DNM3: variants seen among roughly 807,000 people sequenced by gnomAD.
DNM3 encodes dynamin 3.
A neutral mutation model predicts 101.6 loss-of-function variants in DNM3; 47 were observed. The ratio of observed to expected loss-of-function variants is 0.46; its 90% confidence interval spans 0.37 to 0.59. The LOEUF is 0.59. Among genes scored for constraint, DNM3 ranks in the 20% least tolerant of loss-of-function variants. DNM3 has a pLI of 0.00. For missense variants in DNM3, 849 were observed against 1,085.7 expected (o/e 0.78, Z 3.06); for synonymous variants, 385 against 387.9 (o/e 0.99, Z 0.09).
chr1:172,158,444 G>C (rs41468246), intron 14 of DNM3, among the ~76,000 whole-genome samples: 2,680 of 152,122 alleles, frequency 0.018, 92 homozygotes, highest in African/African-American at 0.059. Flanking sequence ...AAGAACATGA[G>C]CAAAGGCACA....
Position 172,048,483 on chromosome 1 carries a change from T to C in DNM3, c.1197-129T>C, listed in dbSNP as rs545019131. The stretch of plus-strand genomic sequence containing the variant: ...TGCCACATAAACATTTTGGGCACTA[T>C]GTAACTTTTAAACTTGGTCTATTAC... On this transcript the variant is annotated intron_variant, in intron 9 of 20. Coordinates refer to ENST00000627582, the MANE Select transcript of DNM3 (RefSeq NM_015569.5). 6.0e-5 allele frequency: 63 copies of C among 1,053,734 alleles called. 1 individual carries two copies. The Admixed American group carries it at 1.7e-3, about 28-fold the overall frequency. 65.3% of individuals were successfully genotyped at this position (1,053,734 alleles called of 1,614,324 possible).
At chr1:171,956,961 A>G (rs2042900373) in intron 2 of DNM3, among the ~76,000 whole-genome samples, 1 of 152,146 alleles carries the variant, frequency 6.6e-6, no homozygotes, top group Non-Finnish European at 1.5e-5. Flanking sequence ...ATAGGGCACC[A>G]AGTCCCTAGG....
intron 1 of DNM3, among the ~76,000 whole-genome samples, chr1:171,906,848 T>C (rs1240297007): frequency 6.6e-6 from 1 of 152,218 alleles, no homozygotes; most frequent in African/African-American, 2.4e-5. Flanking sequence ...AAGTAAGTGA[T>C]ACTATTTTTA....
intron 4 of DNM3, among the ~76,000 whole-genome samples, chr1:172,017,449 C>G (rs2047524499): frequency 6.6e-6 from 1 of 151,542 alleles, no homozygotes; most frequent in Admixed American, 6.6e-5. Context: ...TTTTTTTTAC[C>G]CATATGTTAT....
chr1:172,133,617 A>G (rs1010091962), intron 14 of DNM3, among the ~76,000 whole-genome samples: 4 of 152,196 alleles, frequency 2.6e-5, no homozygotes, highest in Admixed American at 2.6e-4. Flanking sequence ...GACTAGTAAT[A>G]AATGTCAGAT....
At chr1:172,239,409 A>T (rs2061660522) in intron 14 of DNM3, among the ~76,000 whole-genome samples, 1 of 152,162 alleles carries the variant, frequency 6.6e-6, no homozygotes, top group Non-Finnish European at 1.5e-5. Context: ...GAAGTCCCTG[A>T]ATACACGGTC....
intron 16 of DNM3, among the ~76,000 whole-genome samples, chr1:172,320,388 TAAAAAAAAGAAAA>T (rs1191054828): frequency 2.3e-5 from 2 of 88,570 alleles, no homozygotes; most frequent in Non-Finnish European, 4.3e-5. Context: ...ATAATAATAA[TAAAAAAAAGAAAA>T]AAAAAAAAGA....
chr1:172,374,290 T>C (rs1279887432), intron 17 of DNM3, among the ~76,000 whole-genome samples: 1 of 152,072 alleles, frequency 6.6e-6, no homozygotes, highest in Non-Finnish European at 1.5e-5. Flanking sequence ...TCTGAGAAGG[T>C]GCACTCAGTA....
chr1:171,931,577 T>TA (rs2041009155), intron 2 of DNM3, among the ~76,000 whole-genome samples: 1 of 152,214 alleles, frequency 6.6e-6, no homozygotes, highest in Non-Finnish European at 1.5e-5. Flanking sequence ...CTTTCATAGG[T>TA]AAAAAATTTT....
rs1426003596 is a variant in DNM3, at chr1:172,409,942, T to C, written c.*2101T>C. On this transcript the variant is annotated 3_prime_UTR_variant, in exon 21 of 21. Transcript: ENST00000627582. ...TCAGCACAAACCATGTCAAAAAAAA[T>C]TGGAGATTTTTTTCCAATTTTCCTT... The C allele has an allele frequency of 2.0e-6, 2 of 985,516 alleles. No individual in the cohort carries two copies. The highest frequency in any genetic ancestry group is 1.7e-5 in the African/African-American group (1 of 57,172). 61.0% of individuals were successfully genotyped at this position (985,516 alleles called of 1,614,324 possible). A position where few individuals can be genotyped will look rare whatever the true frequency, so the allele number is the denominator to read the frequency against.
At chr1:172,085,072 T>C (rs769857007) in intron 12 of DNM3, among the ~76,000 whole-genome samples, 2 of 152,114 alleles carry the variant, frequency 1.3e-5, no homozygotes, top group Non-Finnish European at 2.9e-5. Flanking sequence ...CTGTAAAATA[T>C]GTACCGTGTG....
chr1:172,182,772 A>G (rs11801252), intron 14 of DNM3, among the ~76,000 whole-genome samples: 9,040 of 152,168 alleles, frequency 0.059, 369 homozygotes, highest in East Asian at 0.13. Flanking sequence ...AGAGAAAACA[A>G]AAGTAGAAAA....
chr1:171,841,631 A>ATACTGTACAGGTATCAG lies in DNM3; in HGVS notation c.-26_-25insTACTGTACAGGTATCAG. Reference sequence around the variant, plus strand: ...CAGGTCGTAGAGGCGAGCAGGGACCAGCTGGTCGCCGGCCCCTCGGGCAAG... The same window carrying ATACTGTACAGGTATCAG: ...CAGGTCGTAGAGGCGAGCAGGGACCATACTGTACAGGTATCAGGCTGGTCGCCGGCCCCTCGGGCAAG... On this transcript the variant is annotated 5_prime_UTR_variant, in exon 1 of 21. Transcript: ENST00000627582. 1 of 1,599,132 alleles carries ATACTGTACAGGTATCAG rather than the reference A, an allele frequency of 6.3e-7. No individual in the cohort carries two copies. The highest frequency in any genetic ancestry group is 8.5e-7 in the Non-Finnish European group (1 of 1,174,068).
At chr1:172,354,660 C>A (rs1200408500) in intron 17 of DNM3, among the ~76,000 whole-genome samples, 1 of 152,126 alleles carries the variant, frequency 6.6e-6, no homozygotes, top group Non-Finnish European at 1.5e-5. Context: ...GTGACAATTG[C>A]TCTTTTAAAT....
rs187676637 is a variant in DNM3 at position 172,314,250 on chromosome 1, G to A, written c.1881+5411G>A. Among the ~76,000 whole-genome samples, 463 of 152,292 alleles carry A rather than the reference G, an allele frequency of 3.0e-3. 6 individuals carry two copies. The highest frequency in any genetic ancestry group is 0.01 in the African/African-American group (436 of 41,558). ...TGGATAAAGAAAATGTGGCACAGGG[G>A]GAGGAGCCAAGATGGCCGAATAGGA... On this transcript the variant is annotated intron_variant, in intron 16 of 20. Coordinates refer to ENST00000627582, the MANE Select transcript of DNM3 (RefSeq NM_015569.5).
intron 14 of DNM3, among the ~76,000 whole-genome samples, chr1:172,195,849 A>G (rs1362150271): frequency 2.0e-5 from 3 of 151,648 alleles, no homozygotes; most frequent in Admixed American, 1.3e-4. Context: ...TTCTGCATCT[A>G]TGTTACTAAG....
chr1:171,909,300 C>G (rs2039091154), intron 1 of DNM3, among the ~76,000 whole-genome samples: 1 of 151,804 alleles, frequency 6.6e-6, no homozygotes, highest in African/African-American at 2.4e-5. Flanking sequence ...AGGTGTGGTG[C>G]TGCATGCCTG....
intron 17 of DNM3, among the ~76,000 whole-genome samples, chr1:172,349,325 T>C (rs2067095380): frequency 6.6e-6 from 1 of 152,274 alleles, no homozygotes; most frequent in African/African-American, 2.4e-5. Flanking sequence ...ATTCTCGAAA[T>C]GATTAGCTGA....
intron 10 of DNM3, among the ~76,000 whole-genome samples, chr1:172,064,101 T>C (rs1304314776): frequency 1.3e-5 from 2 of 152,164 alleles, no homozygotes; most frequent in Admixed American, 6.5e-5. Flanking sequence ...GAATGACTGA[T>C]GTGACATAAA....
Sources: gnomAD v4.1 joint callset for allele counts (sites outside exome capture counted in the v4.1 genomes callset) on GRCh38, gnomAD v4.1.1 for gene constraint, MANE v1.5 for transcripts, NCBI Gene and HGNC (gene_info 2026-07-23, HGNC 2026-07-21) for gene names.